Variants in PER2 observed in about 807,000 individuals in gnomAD.
PER2 encodes period circadian regulator 2, also known as period circadian protein homolog 2.
In PER2, 66 loss-of-function variants were observed where a neutral mutation model predicts 121.0. The observed-to-expected ratio is 0.55, with a 90% CI of 0.45 to 0.67. The LOEUF is 0.67. PER2 is among the 30% of genes least tolerant of loss of function. The pLI, the probability that PER2 is intolerant of heterozygous loss-of-function variation, is 0.00. For synonymous variants in PER2, 684 were observed against 659.9 expected (o/e 1.04, Z -0.56); for missense variants, 1,521 against 1,635.0 (o/e 0.93, Z 1.20).
chr2:238,253,339 G>A lies in PER2; in HGVS notation c.2684C>T (p.Pro895Leu), dbSNP rs1180336483. The A allele has an allele frequency of 6.2e-7, 1 of 1,613,734 alleles. No individual in the cohort carries two copies. Among genetic ancestry groups the A allele is most frequent in the Non-Finnish European group, 8.5e-7 (1 of 1,179,888 alleles). ...LQHQFAVQPP[P>L]FPAPLAPVMA... ...GACAGGCGCCAAAGGGGCAGGGAAA[G>A]GTGGGGGCTGGACTGCAAACTGGTG... Residue 895 changes from proline to leucine, a missense_variant, in exon 19 of 23, where the codon CCT (proline) becomes CTT (leucine). Transcript: ENST00000254657. This position sits in a 1 kb window ranked among gnomAD's most constrained non-coding sequence, Gnocchi z 5.6.
chr2:238,265,640 T>G (rs766021437), intron 8 of PER2, 50 bp from the exon 9 acceptor site: 4 of 1,126,442 alleles, frequency 3.6e-6, no homozygotes, highest in Non-Finnish European at 5.4e-6. Flanking sequence ...AAATGCATAT[T>G]TGATGTTATA....
chr2:238,297,999 C>G, the PER2 span, among the ~76,000 whole-genome samples: 1 of 150,968 alleles, frequency 6.6e-6, no homozygotes, highest in Middle Eastern at 3.2e-3. Flanking sequence ...TCTCCCTGCC[C>G]TGGGATTGTG....
chr2:238,255,796 C>G lies in PER2; in HGVS notation c.2181G>C (p.Lys727Asn). The G allele has an allele frequency of 4.3e-6, 7 of 1,614,090 alleles. No homozygotes were observed. The highest frequency in any genetic ancestry group is 1.1e-5 in the South Asian group (1 of 91,082). ...KEPFKKLGLTKEVLAAHTQKE... is the reference protein window; with the variant it reads ...KEPFKKLGLTNEVLAAHTQKE... ...TCTGTGTGTGTGCAGCGAGTACCTC[C>G]TTGGTGAGGCCCAGCTTCTTGAAGG... is the stretch of plus-strand genomic sequence containing the variant. Residue 727 changes from lysine to asparagine, a missense_variant, in exon 18 of 23, where the codon AAG becomes AAC. Lys to Asn is a moderately conservative substitution (Grantham distance 94, BLOSUM62 0). Transcript: ENST00000254657.
At chr2:238,265,824 G>A (rs1474895710) in intron 8 of PER2, among the ~76,000 whole-genome samples, 5 of 151,984 alleles carry the variant, frequency 3.3e-5, no homozygotes, top group Admixed American at 2.0e-4. Flanking sequence ...CTAGTAAATC[G>A]AAACTGCCGT....
upstream of PER2, among the ~76,000 whole-genome samples, chr2:238,291,788 C>T (rs563298373): frequency 1.2e-4 from 19 of 152,322 alleles, no homozygotes; most frequent in South Asian, 3.5e-3. Context: ...ACCTCAAGGG[C>T]GCGGGCACCT....
chr2:238,247,111 C>T (rs1695470554), intron 22 of PER2: 1 of 152,734 alleles, frequency 6.5e-6, no homozygotes, highest in Non-Finnish European at 1.5e-5. Context: ...TGAAACGTGT[C>T]CACACTCTTT....
Position 238,256,904 on chromosome 2 carries a change from A to G in PER2, c.2065+18T>C. On this transcript the variant is annotated intron_variant, in intron 17 of 22. Transcript: ENST00000254657. ...TAAAAATCAAACTGCTCTCTGATCC[A>G]AGAGCCCATAGTCATACCTAACTCC... 1 of 1,610,462 alleles carries G rather than the reference A, an allele frequency of 6.2e-7. No individual in the cohort carries two copies. The highest frequency in any genetic ancestry group is 8.5e-7 in the Non-Finnish European group (1 of 1,177,616).
chr2:238,259,077 G>A lies in PER2; in HGVS notation c.1628-433C>T, dbSNP rs1270728270. On this transcript the variant is annotated intron_variant, in intron 14 of 22. Coordinates refer to ENST00000254657, the MANE Select transcript of PER2 (RefSeq NM_022817.3). ...TGCCTGCTCACTGTGCTGCAGATTC[G>A]ACTCTTGCCCCAACGACATTCATCA... Among the ~76,000 whole-genome samples the A allele has an allele frequency of 8.5e-5, 13 of 152,276 alleles. No individual in the cohort carries two copies. In the East Asian group the frequency reaches 2.3e-3, roughly 27 times the overall value.
intron 1 of PER2, among the ~76,000 whole-genome samples, chr2:238,285,845 G>A (rs189641545): frequency 2.5e-4 from 32 of 126,344 alleles, no homozygotes; most frequent in African/African-American, 8.2e-4. Context: ...TGCAAGCCCT[G>A]CAGGATTTTA....
rs758895250 is a variant in PER2 at position 238,253,534 on chromosome 2, G to T, written c.2489C>A (p.Ala830Asp). ...RPPLVGLNAT[A>D]WSPSDTSQSS... is the part of the protein sequence containing the mutation. ...CTGGGACGTGTCTGAGGGTGACCAG[G>T]CTGTGGCGTTCAAGCCCACCAGCGG... Residue 830 changes from alanine (A) to aspartate (D), a missense_variant, in exon 19 of 23, where the codon GCC becomes GAC. Coordinates refer to ENST00000254657, the MANE Select transcript of PER2 (RefSeq NM_022817.3). This position sits in a 1 kb window ranked among gnomAD's most constrained non-coding sequence, Gnocchi z 5.6. 6.2e-7 allele frequency: 1 copy of T among 1,611,428 alleles called. No homozygotes were observed.
chr2:238,275,908 CAAGA>C lies in PER2; in HGVS notation c.294-15_294-12del. The C allele has an allele frequency of 1.9e-6, 3 of 1,614,218 alleles. No homozygotes were observed. The highest frequency in any genetic ancestry group is 2.5e-6 in the Non-Finnish European group (3 of 1,180,026). ...GAAGACTGGTCGCTACTGCAGGATTCAAGAAAGAGGCAGCCAAATGTTAGCTTCC... is the reference window on the plus strand; with the variant it reads ...GAAGACTGGTCGCTACTGCAGGATTCAAGAGGCAGCCAAATGTTAGCTTCC... On this transcript the variant is annotated splice_polypyrimidine_tract_variant and intron_variant, in intron 3 of 22. Transcript: ENST00000254657.
chr2:238,271,292 C>T lies in PER2; in HGVS notation c.772+20G>A. 1 of 1,604,602 alleles carries T rather than the reference C, an allele frequency of 6.2e-7. No individual in the cohort carries two copies. The highest frequency in any genetic ancestry group is 1.3e-5 in the African/African-American group (1 of 74,856). The stretch of plus-strand genomic sequence containing the variant: ...TTTCCCGACCCCAGAGGGAACAAGG[C>T]ACTACCTCGATAACCTCACCTGCTC... On this transcript the variant is annotated intron_variant, in intron 6 of 22. Coordinates refer to ENST00000254657, the MANE Select transcript of PER2 (RefSeq NM_022817.3).
At chr2:238,288,912 G>A (rs1004112994), upstream of PER2, among the ~76,000 whole-genome samples, 5 of 152,246 alleles carry the variant, frequency 3.3e-5, no homozygotes, top group Admixed American at 6.5e-5. Context: ...CCCATTGGTG[G>A]CCGCGCCCGT....
At chr2:238,255,476 G>A (rs1695731064) in intron 18 of PER2, 181 bp downstream of exon 18, 7 of 693,726 alleles carry the variant, frequency 1.0e-5, no homozygotes, top group Admixed American at 2.1e-5. Flanking sequence ...CATCCCGAGA[G>A]CACCCCCCCG....
At position 238,260,810 on chromosome 2, in the gene PER2, G is replaced by A. The variant is rs58894114; in HGVS notation, c.1542+18C>T. Reference sequence around the variant, plus strand: ...ATCCACAAACTCATTTTCTCAGGGAGAATGGAAGGAGACGTACGGCTCTCC... The same window carrying A: ...ATCCACAAACTCATTTTCTCAGGGAAAATGGAAGGAGACGTACGGCTCTCC... On this transcript the variant is annotated intron_variant, in intron 13 of 22. Transcript: ENST00000254657. 0.011 allele frequency: 18,556 copies of A among 1,613,862 alleles called. 1,823 individuals are homozygous for A. The African/African-American group carries it at 0.21, about 19-fold the overall frequency.
intron 4 of PER2, among the ~76,000 whole-genome samples, chr2:238,273,498 C>CTT (rs35748668): frequency 2.1e-4 from 29 of 139,130 alleles, no homozygotes; most frequent in African/African-American, 5.5e-4. Context: ...CCAGAAGGGG[C>CTT]TTTTTTTTTT....
At position 238,268,659 on chromosome 2, in the gene PER2, G is replaced by A. The variant is rs1293969857; in HGVS notation, c.824+264C>T. Among the ~76,000 whole-genome samples, 2 of 152,180 alleles carry A rather than the reference G, an allele frequency of 1.3e-5. No homozygotes were observed. Among genetic ancestry groups the A allele is most frequent in the Non-Finnish European group, 2.9e-5 (2 of 68,028 alleles). ...ACGCAGTGCTTTCAGAAACTCTGTC[G>A]ACCCTGGGGTACAGGCCTTTGCAAG... On this transcript the variant is annotated intron_variant, in intron 7 of 22. Coordinates refer to ENST00000254657, the MANE Select transcript of PER2 (RefSeq NM_022817.3). The surrounding 1 kb of genome is among the most constrained non-coding windows in gnomAD (Gnocchi z 4.0).
chr2:238,270,003 G>A (rs1198912360), intron 6 of PER2, among the ~76,000 whole-genome samples: 1 of 152,236 alleles, frequency 6.6e-6, no homozygotes, highest in African/African-American at 2.4e-5. Context: ...GGGTCTGGGG[G>A]AATGGCAAGA....
In PER2 at chr2:238,277,924, C is replaced by T. The variant is rs35572922; in HGVS notation, c.13G>A (p.Ala5Thr). The change falls in exon 2 of 23, where the codon GCG becomes ACG. Residue 5 changes from alanine to threonine, a missense_variant. Coordinates refer to ENST00000254657, the MANE Select transcript of PER2 (RefSeq NM_022817.3). ...TTACTGGGGCTGGGCGGAAATTCCG[C>T]GTATCCATTCATGCTGGGCTCTGGA... MNGY[A>T]EFPPSPSNPT... The T allele has an allele frequency of 1.2e-5, 19 of 1,613,558 alleles. No homozygotes were observed. The highest frequency in any genetic ancestry group is 1.7e-5 in the Admixed American group (1 of 60,000).
Sources: allele counts gnomAD v4.1 joint callset (sites outside exome capture counted in the v4.1 genomes callset), GRCh38; gene constraint gnomAD v4.1.1; non-coding constraint Gnocchi (gnomAD v3.1); transcripts MANE v1.5; gene names NCBI Gene and HGNC (gene_info 2026-07-23, HGNC 2026-07-21).